The following PNLIPRP1 variants were observed in gnomAD, a reference collection of about 807,000 sequenced individuals.
PNLIPRP1 encodes inactive pancreatic lipase-related protein 1.
A neutral mutation model predicts 54.6 loss-of-function variants in PNLIPRP1; 57 were observed. The ratio of observed to expected loss-of-function variants is 1.04; its 90% CI spans 0.84 to 1.30. PNLIPRP1 has a LOEUF of 1.30. Among genes scored for constraint, PNLIPRP1 ranks in the 50% most tolerant of loss-of-function variants. PNLIPRP1 has a pLI of 0.00. For synonymous variants in PNLIPRP1, 232 were observed against 208.8 expected (o/e 1.11, Z -0.96); for missense variants, 567 against 568.5 (o/e 1.00, Z 0.03).
chr10:116,605,289 A>G (rs1432019839), intron 11 of PNLIPRP1, 97 bp from the exon 12 acceptor site: 15 of 634,682 alleles, frequency 2.4e-5, no homozygotes, highest in Admixed American at 2.1e-4. Context: ...CGGAAAAATA[A>G]TCCTGTTAAT....
At position 116,605,385 on chromosome 10, in the gene PNLIPRP1, G is replaced by A; in HGVS notation, c.1173-1G>A. ...GGATGTTTATGTTTCTCTATTTCAA[G>A]GGGGATTCTCAAACCAGGCTCAACC... On this transcript the variant is annotated splice_acceptor_variant, in intron 11 of 12. Transcript: ENST00000358834. LOFTEE classifies it high-confidence loss of function. 1.3e-6 allele frequency: 2 copies of A among 1,559,696 alleles called. No individual in the cohort carries two copies. Among genetic ancestry groups the A allele is most frequent in the Non-Finnish European group, 1.7e-6 (2 of 1,142,866 alleles).
chr10:116,602,234 TG>T (rs1164591404), intron 10 of PNLIPRP1, among the ~76,000 whole-genome samples: 1 of 152,130 alleles, frequency 6.6e-6, no homozygotes, highest in Non-Finnish European at 1.5e-5. Flanking sequence ...TTAGCCAGGA[TG>T]GTCTCGATCT....
chr10:116,601,330 C>G lies in PNLIPRP1; in HGVS notation c.1063+129C>G, dbSNP rs540634763. ...TTATCTTAGAAATGGACACATTTACCGAAACTATTGCAGTTACAAGTAAAC... is the reference window on the plus strand; with the variant it reads ...TTATCTTAGAAATGGACACATTTACGGAAACTATTGCAGTTACAAGTAAAC... On this transcript the variant is annotated intron_variant, in intron 10 of 12. Transcript: ENST00000358834. 5 of 832,520 alleles carry G rather than the reference C, an allele frequency of 6.0e-6. No homozygotes were observed. In the African/African-American group the frequency reaches 6.9e-5, roughly 11 times the overall value. The allele number at this position is 832,520 out of a possible 1,614,324, so 51.6% of individuals were successfully genotyped here.
intron 2 of PNLIPRP1, 113 bp from the exon 3 acceptor site, chr10:116,591,658 C>T (rs1256885999): frequency 3.7e-6 from 4 of 1,075,562 alleles, no homozygotes; most frequent in Non-Finnish European, 5.5e-6. Flanking sequence ...GTAGGTTCAT[C>T]CATTGTCTTC....
intron 2 of PNLIPRP1, among the ~76,000 whole-genome samples, 180 bp from the exon 3 acceptor site, chr10:116,591,591 A>G (rs891311099): frequency 3.3e-5 from 5 of 152,060 alleles, no homozygotes; most frequent in Non-Finnish European, 5.9e-5. Context: ...GACTGATACT[A>G]CTACCGGCCA....
At position 116,605,325 on chromosome 10, in the gene PNLIPRP1, A is replaced by C. The variant is rs552814774; in HGVS notation, c.1173-61A>C. 4 of 872,854 alleles carry C rather than the reference A, an allele frequency of 4.6e-6. No homozygotes were observed. In the African/African-American group the frequency reaches 5.0e-5, roughly 11 times the overall value. 54.1% of individuals were successfully genotyped at this position (872,854 alleles called of 1,614,324 possible). On this transcript the variant is annotated intron_variant, in intron 11 of 12. Coordinates refer to ENST00000358834, the MANE Select transcript of PNLIPRP1 (RefSeq NM_006229.4). ...CTAGAAGAGAAAACAGCAGCCTGGC[A>C]TTGTATGGTAATTAGAACTCATTTC...
intron 4 of PNLIPRP1, 34 bp from the exon 5 acceptor site, chr10:116,594,696 T>C: frequency 6.2e-7 from 1 of 1,613,318 alleles, no homozygotes; most frequent in South Asian, 1.1e-5. Flanking sequence ...CTGCTCCCAT[T>C]ATCTCCCCAA....
At chr10:116,595,878 G>T in intron 5 of PNLIPRP1, 1 of 211,582 alleles carries the variant, frequency 4.7e-6, no homozygotes, top group Non-Finnish European at 9.6e-6. Flanking sequence ...AGGAAGAGAC[G>T]TCTAAATTGA....
At chr10:116,606,130 A>G (rs552286280) in intron 12 of PNLIPRP1, among the ~76,000 whole-genome samples, 1 of 152,046 alleles carries the variant, frequency 6.6e-6, no homozygotes, top group Non-Finnish European at 1.5e-5. Flanking sequence ...CAAACCTCAG[A>G]CCCCAAGTCT....
At chr10:116,604,929 G>A (rs1554865374) in intron 11 of PNLIPRP1, among the ~76,000 whole-genome samples, 1 of 152,042 alleles carries the variant, frequency 6.6e-6, no homozygotes, top group African/African-American at 2.4e-5. Context: ...CTGACCTCAA[G>A]TGATCCACCC....
At chr10:116,591,743 C>T in intron 2 of PNLIPRP1, 28 bp from the exon 3 acceptor site, 1 of 1,612,714 alleles carries the variant, frequency 6.2e-7, no homozygotes. Flanking sequence ...AGAGCAAATC[C>T]TTGAGCAGAT....
At position 116,601,127 on chromosome 10, in the gene PNLIPRP1, A is replaced by C; in HGVS notation, c.989A>C (p.Asp330Ala). Residue 330 changes from aspartate to alanine, a missense_variant, in exon 10 of 13, where the codon GAT becomes GCT. Asp to Ala is a moderately radical substitution (Grantham distance 126). Coordinates refer to ENST00000358834, the MANE Select transcript of PNLIPRP1 (RefSeq NM_006229.4). Reference sequence around the variant, plus strand: ...TGCCCACAGATGGGTCACTATGCTGATAAATTTGCTGGCAGGACAAGTGAA... The same window carrying C: ...TGCCCACAGATGGGTCACTATGCTGCTAAATTTGCTGGCAGGACAAGTGAA... The part of the protein sequence containing the change: ...QGCPQMGHYA[D>A]KFAGRTSEEQ... The C allele has an allele frequency of 6.2e-7, 1 of 1,614,112 alleles. No homozygotes were observed. Among genetic ancestry groups the C allele is most frequent in the East Asian group, 2.2e-5 (1 of 44,880 alleles).
chr10:116,607,020 TTAATAATAATAA>T (rs55946265), intron 12 of PNLIPRP1, among the ~76,000 whole-genome samples: 1 of 147,078 alleles, frequency 6.8e-6, no homozygotes, highest in South Asian at 2.2e-4. Context: ...CCAGTAACAT[TTAATAATAATAA>T]TAATAATAAT....
chr10:116,606,756 A>G (rs947681014), intron 12 of PNLIPRP1, among the ~76,000 whole-genome samples: 1 of 152,182 alleles, frequency 6.6e-6, no homozygotes, highest in Admixed American at 6.5e-5. Context: ...ACTTTCTGCA[A>G]ATGGAACAGA....
At chr10:116,600,195 G>T (rs782183156) in intron 9 of PNLIPRP1, 30 bp downstream of exon 9, 16 of 1,402,028 alleles carry the variant, frequency 1.1e-5, no homozygotes, top group Non-Finnish European at 1.4e-5. Context: ...CGAGCAACAA[G>T]CATCACCCCT....
At chr10:116,605,978 A>G (rs1554865547) in intron 12 of PNLIPRP1, among the ~76,000 whole-genome samples, 2 of 152,224 alleles carry the variant, frequency 1.3e-5, no homozygotes, top group Non-Finnish European at 2.9e-5. Flanking sequence ...ACAAGAATGC[A>G]CTAGGATTGC....
rs199754358 is a variant in PNLIPRP1 at position 116,600,052 on chromosome 10, C to T, written c.820C>T (p.Arg274Trp). 97 of 1,610,948 alleles carry T rather than the reference C, an allele frequency of 6.0e-5. No individual in the cohort carries two copies. Among genetic ancestry groups the T allele is most frequent in the Non-Finnish European group, 7.2e-5 (85 of 1,177,276 alleles). ...VDLDGIWAGT[R>W]DFVACNHLRS... ...CTCCTTATTTGTTTTCCCAGGAACC[C>T]GGGACTTTGTGGCTTGCAATCACCT... Residue 274 changes from arginine (R) to tryptophan (W), a missense_variant, in exon 9 of 13, where the codon CGG (arginine) becomes TGG (tryptophan). Transcript: ENST00000358834.
intron 12 of PNLIPRP1, among the ~76,000 whole-genome samples, chr10:116,607,020 T>TTAATAA (rs55946265): frequency 0.015 from 2,226 of 147,136 alleles, 52 homozygotes; most frequent in African/African-American, 0.048. Context: ...CCAGTAACAT[T>TTAATAA]TAATAATAAT....
intron 1 of PNLIPRP1, 67 bp from the exon 2 acceptor site, chr10:116,591,063 C>T: frequency 7.8e-7 from 1 of 1,285,022 alleles, no homozygotes; most frequent in Non-Finnish European, 1.1e-6. Flanking sequence ...TACTGAAGTC[C>T]AGGGCGTCGG....
Sources: allele counts gnomAD v4.1 joint callset (sites outside exome capture counted in the v4.1 genomes callset), GRCh38; gene constraint gnomAD v4.1.1; transcripts MANE v1.5; gene names NCBI Gene and HGNC (gene_info 2026-07-23, HGNC 2026-07-21).